The following KIAA1671 variants were observed in gnomAD, a reference collection of about 807,000 sequenced individuals.
KIAA1671 encodes KIAA1671.
A neutral mutation model predicts 131.2 loss-of-function variants in KIAA1671; 52 were observed. The ratio of observed to expected loss-of-function variants is 0.40; its 90% CI spans 0.32 to 0.50. The LOEUF (loss-of-function observed/expected upper bound fraction) is 0.50, where lower values mean the gene tolerates loss of function less well. Ranked by LOEUF, KIAA1671 falls within the 20% of genes least tolerant of loss-of-function variation. The probability of loss-of-function intolerance (pLI) is 0.73; values close to 1 mark genes in which losing one functional copy is unlikely to be tolerated. For missense variants in KIAA1671, 2,360 were observed against 2,364.2 expected (o/e 1.00, Z 0.04); for synonymous variants, 1,003 against 961.6 (o/e 1.04, Z -0.80).
intron 1 of KIAA1671, among the ~76,000 whole-genome samples, chr22:24,977,078 GA>G (rs1295234502): frequency 1.3e-5 from 2 of 152,150 alleles, no homozygotes; most frequent in Non-Finnish European, 2.9e-5. Flanking sequence ...CATGAGGATT[GA>G]CCGAGAGGCT....
Position 25,149,934 on chromosome 22 carries a change from T to C in KIAA1671, c.4531-20886T>C, listed in dbSNP as rs1211402265. Among the ~76,000 whole-genome samples, 3 of 152,300 alleles carry C rather than the reference T, an allele frequency of 2.0e-5. No individual in the cohort carries two copies. The East Asian group carries it at 5.8e-4, about 29-fold the overall frequency. On this transcript the variant is annotated intron_variant, in intron 6 of 12. Coordinates refer to ENST00000358431, the MANE Select transcript of KIAA1671 (RefSeq NM_001145206.2). ...GAAGCCTTCCCTGACCCCCTCCCCA[T>C]GCCCTTCGTCTGTGTTGCATCCATT...
rs1448003955 is a variant in KIAA1671, at chr22:25,039,562, C to T, written c.2432C>T (p.Pro811Leu). 33 of 1,551,618 alleles carry T rather than the reference C, an allele frequency of 2.1e-5. No individual in the cohort carries two copies. The highest frequency in any genetic ancestry group is 8.3e-5 in the South Asian group (7 of 84,064). ...EARGMPEASG[P>L]KFGGNCPFPK... The stretch of plus-strand genomic sequence containing the variant: ...CGAGGCATGCCTGAGGCTAGTGGAC[C>T]GAAGTTTGGGGGCAATTGCCCGTTT... Residue 811 changes from proline (P) to leucine (L), a missense_variant, in exon 5 of 13, where the codon CCG becomes CTG. Physicochemically the swap from Pro to Leu is moderately conservative, Grantham distance 98. This residue lies in a region of KIAA1671 where 1,185 missense variants were observed against 1,126.2 expected (regional missense o/e 1.05). Transcript: ENST00000358431.
intron 6 of KIAA1671, among the ~76,000 whole-genome samples, chr22:25,114,657 G>A (rs1007165350): frequency 1.1e-4 from 16 of 152,228 alleles, no homozygotes; most frequent in African/African-American, 3.1e-4. Context: ...GAGCGTGGCC[G>A]TTCTTAGCTT....
At chr22:25,001,245 GTGTGTGTA>G (rs935895551) in intron 1 of KIAA1671, among the ~76,000 whole-genome samples, 127 of 142,266 alleles carry the variant, frequency 8.9e-4, no homozygotes, top group Non-Finnish European at 1.5e-3. Context: ...ATATGTGTGT[GTGTGTGTA>G]TGTGTGTGTA....
At chr22:24,996,763 G>A (rs1394302947) in intron 1 of KIAA1671, among the ~76,000 whole-genome samples, 1 of 152,206 alleles carries the variant, frequency 6.6e-6, no homozygotes, top group East Asian at 1.9e-4. Context: ...TTACCAGGAG[G>A]GGTGGAGACT....
At chr22:25,020,382 T>C (rs1490463977) in intron 1 of KIAA1671, among the ~76,000 whole-genome samples, 1 of 152,242 alleles carries the variant, frequency 6.6e-6, no homozygotes, top group East Asian at 1.9e-4. Context: ...GAATTGCTTT[T>C]ACAATTTACA....
intron 1 of KIAA1671, among the ~76,000 whole-genome samples, chr22:24,985,997 G>GTT (rs1183270844): frequency 2.0e-5 from 3 of 152,188 alleles, no homozygotes; most frequent in Non-Finnish European, 4.4e-5. Context: ...GCGTGTGTGT[G>GTT]TTATGGGGGA....
chr22:25,182,820 C>T (rs1389852321), intron 10 of KIAA1671, among the ~76,000 whole-genome samples: 1 of 152,188 alleles, frequency 6.6e-6, no homozygotes. Flanking sequence ...TCCTGAAGCC[C>T]TTGAGGAATC....
chr22:25,179,475 TCTC>T (rs1203638006), intron 9 of KIAA1671: 17 of 1,613,142 alleles, frequency 1.1e-5, no homozygotes, highest in Admixed American at 6.7e-5. Context: ...AAGTTGTTAT[TCTC>T]CTCCAGCGCC....
chr22:24,985,713 GGA>G (rs1030640496), intron 1 of KIAA1671, among the ~76,000 whole-genome samples: 5 of 151,104 alleles, frequency 3.3e-5, no homozygotes, highest in South Asian at 2.1e-4. Flanking sequence ...AGGGAGAGGG[GGA>G]GAGAGAGAGA....
At chr22:24,981,036 C>CATGCCCGG (rs1923205296) in intron 1 of KIAA1671, among the ~76,000 whole-genome samples, 1 of 151,464 alleles carries the variant, frequency 6.6e-6, no homozygotes, top group Admixed American at 6.6e-5. Context: ...CATGAGCCAC[C>CATGCCCGG]ATGCCCGGCC....
At chr22:25,183,225 G>T (rs1934351536) in intron 10 of KIAA1671, among the ~76,000 whole-genome samples, 1 of 152,176 alleles carries the variant, frequency 6.6e-6, no homozygotes, top group Non-Finnish European at 1.5e-5. Context: ...TGCCATGCAG[G>T]CCACACAATC....
intron 1 of KIAA1671, among the ~76,000 whole-genome samples, chr22:24,975,619 C>T (rs1477074984): frequency 6.6e-6 from 1 of 151,994 alleles, no homozygotes; most frequent in Non-Finnish European, 1.5e-5. Flanking sequence ...GTGCTGTACC[C>T]ATGCACATAT....
chr22:24,970,847 T>C (rs1922576847), intron 1 of KIAA1671, among the ~76,000 whole-genome samples: 2 of 152,130 alleles, frequency 1.3e-5, no homozygotes, highest in African/African-American at 4.8e-5. Context: ...CTTGATCTAG[T>C]ATATTTATAA....
Position 25,100,668 on chromosome 22 carries a change from C to T in KIAA1671, c.4530+51304C>T, listed in dbSNP as rs369113871. Among the ~76,000 whole-genome samples the T allele has an allele frequency of 1.6e-4, 25 of 152,294 alleles. 1 individual carries two copies. The highest frequency in any genetic ancestry group is 6.8e-3 in the Middle Eastern group (2 of 292). ...AGCCTTCCTGGGTTATACCTGTCAA[C>T]GAGGCAGTAGGGCGCACAGTAGGCC... On this transcript the variant is annotated intron_variant, in intron 6 of 12. Transcript: ENST00000358431.
chr22:25,093,158 C>A (rs1234279062), intron 6 of KIAA1671, among the ~76,000 whole-genome samples: 2 of 152,222 alleles, frequency 1.3e-5, no homozygotes, highest in East Asian at 3.8e-4. Context: ...CCCTACAAAG[C>A]AATCGCTATT....
At chr22:25,176,859 C>T (rs1379486266) in intron 8 of KIAA1671, 1 of 152,636 alleles carries the variant, frequency 6.6e-6, no homozygotes, top group Non-Finnish European at 1.5e-5. Context: ...CACCTGCACC[C>T]TAGATTATGT....
intron 1 of KIAA1671, among the ~76,000 whole-genome samples, chr22:24,986,657 A>G (rs1183970468): frequency 6.8e-5 from 1 of 14,770 alleles, no homozygotes; most frequent in Non-Finnish European, 1.3e-4. Context: ...CCACCCACCC[A>G]CCCATCCACC....
chr22:24,991,208 AG>A (rs2123847162), intron 1 of KIAA1671, among the ~76,000 whole-genome samples: 1 of 151,024 alleles, frequency 6.6e-6, no homozygotes, highest in African/African-American at 2.4e-5. Context: ...TTTTTAGTAG[AG>A]ACGGGGTTTC....
Sources: gnomAD v4.1 joint callset for allele counts (sites outside exome capture counted in the v4.1 genomes callset) on GRCh38, gnomAD v4.1.1 for gene constraint, gnomAD v4.1.1 regional missense constraint, MANE v1.5 for transcripts, NCBI Gene and HGNC (gene_info 2026-07-23, HGNC 2026-07-21) for gene names.